The following NAALADL2 variants were observed in gnomAD, a reference collection of about 807,000 sequenced individuals.
NAALADL2 encodes N-acetylated alpha-linked acidic dipeptidase like 2.
Under a neutral mutation model 87.2 loss-of-function variants are expected in NAALADL2, and 76 were observed. The ratio of observed to expected loss-of-function variants is 0.87; its 90% confidence interval spans 0.72 to 1.05. The LOEUF is 1.05. Among genes scored for constraint, NAALADL2 ranks in the 50% least tolerant of loss-of-function variants. The probability of loss-of-function intolerance (pLI) is 0.00; values close to 1 mark genes in which losing one functional copy is unlikely to be tolerated. For missense variants in NAALADL2, 1,089 were observed against 945.8 expected, an observed-to-expected ratio of 1.15 and a Z score of -1.99; for synonymous variants, 354 against 331.0, an observed-to-expected ratio of 1.07 and a Z score of -0.75.
intron 3 of NAALADL2, among the ~76,000 whole-genome samples, chr3:174,821,410 A>C (rs1237145757): frequency 6.6e-6 from 1 of 152,158 alleles, no homozygotes; most frequent in Non-Finnish European, 1.5e-5. Flanking sequence ...TTGCTATTGT[A>C]TTTATTAGCA....
chr3:174,831,526 A>G (rs1273246175), intron 3 of NAALADL2, among the ~76,000 whole-genome samples: 2 of 146,184 alleles, frequency 1.4e-5, no homozygotes, highest in African/African-American at 2.5e-5. Flanking sequence ...TTTATTGAGG[A>G]TTTTTGCATC....
chr3:175,132,759 G>T (rs540683981), intron 2 of NAALADL2, among the ~76,000 whole-genome samples: 1 of 147,702 alleles, frequency 6.8e-6, no homozygotes. Context: ...CTCACCTCCC[G>T]GACAGGGCGG....
At chr3:175,303,373 C>A (rs1275624052) in intron 4 of NAALADL2, among the ~76,000 whole-genome samples, 1 of 151,962 alleles carries the variant, frequency 6.6e-6, no homozygotes, top group Non-Finnish European at 1.5e-5. Flanking sequence ...GTATAAAAAT[C>A]ATATGATTTT....
chr3:174,956,463 G>A (rs1741167667), intron 1 of NAALADL2, among the ~76,000 whole-genome samples: 1 of 151,978 alleles, frequency 6.6e-6, no homozygotes, highest in Non-Finnish European at 1.5e-5. Context: ...AATTTATTTA[G>A]CCCCTATGGG....
rs560423931 is a variant in NAALADL2, at chr3:174,623,055, G to A, written c.-115+72418G>A. Among the ~76,000 whole-genome samples, 420 of 152,212 alleles carry A rather than the reference G, an allele frequency of 2.8e-3. 5 individuals are homozygous for A. Among genetic ancestry groups the A allele is most frequent in the African/African-American group, 9.7e-3 (403 of 41,540 alleles). ...GAGACTCCGTCTCAAAAAAAAAGAG[G>A]ACTCATCTGTCTGAAATGGTGGGCA... On this transcript the variant is annotated intron_variant, in intron 2 of 3. Coordinates refer to the NAALADL2 transcript ENST00000434257.
At chr3:174,721,695 A>G (rs115204356) in intron 2 of NAALADL2, among the ~76,000 whole-genome samples, 267 of 152,272 alleles carry the variant, frequency 1.8e-3, no homozygotes, top group African/African-American at 6.1e-3. Context: ...ACACAAAACA[A>G]AAGAATCCTG....
intron 4 of NAALADL2, among the ~76,000 whole-genome samples, chr3:175,292,646 A>G (rs2110154079): frequency 6.7e-6 from 1 of 149,072 alleles, no homozygotes; most frequent in East Asian, 2.0e-4. Flanking sequence ...TAGGTTTACC[A>G]TATTCATTCT....
intron 4 of NAALADL2, among the ~76,000 whole-genome samples, chr3:175,265,875 A>T (rs943510261): frequency 6.6e-6 from 1 of 151,418 alleles, no homozygotes; most frequent in Non-Finnish European, 1.5e-5. Flanking sequence ...TTTAATAAGT[A>T]ACTGCTAATA....
At chr3:174,901,339 A>G (rs1448623911) in intron 1 of NAALADL2, among the ~76,000 whole-genome samples, 1 of 152,198 alleles carries the variant, frequency 6.6e-6, no homozygotes. Flanking sequence ...GCTTGTGAGA[A>G]GTACATGAGC....
intron 5 of NAALADL2, among the ~76,000 whole-genome samples, chr3:175,374,144 G>A (rs1348390800): frequency 1.3e-5 from 2 of 151,840 alleles, no homozygotes; most frequent in African/African-American, 2.4e-5. Context: ...TTAGAGTTTC[G>A]ATAAAAGATA....
chr3:174,853,712 G>A (rs1725529383), intron 3 of NAALADL2, among the ~76,000 whole-genome samples: 3 of 151,880 alleles, frequency 2.0e-5, no homozygotes, highest in Admixed American at 1.3e-4. Context: ...TTTTAAAATG[G>A]GCCAAAGATC....
chr3:175,360,081 C>T (rs1764810808), intron 5 of NAALADL2, among the ~76,000 whole-genome samples: 1 of 152,092 alleles, frequency 6.6e-6, no homozygotes, highest in Admixed American at 6.6e-5. Flanking sequence ...TGCACTTCAT[C>T]TCTACTCCCT....
intron 1 of NAALADL2, among the ~76,000 whole-genome samples, chr3:174,446,801 A>C (rs1264394897): frequency 6.6e-6 from 1 of 152,060 alleles, no homozygotes; most frequent in Admixed American, 6.6e-5. Flanking sequence ...GCAGTATAAC[A>C]CTTTTTTGAA....
At chr3:175,440,039 G>A (rs1719466756) in intron 5 of NAALADL2, among the ~76,000 whole-genome samples, 1 of 151,788 alleles carries the variant, frequency 6.6e-6, no homozygotes, top group South Asian at 2.1e-4. Flanking sequence ...ATTTAATTTG[G>A]TTCGTCTTGA....
intron 2 of NAALADL2, among the ~76,000 whole-genome samples, chr3:175,206,276 C>CTT (rs1740855038): frequency 9.1e-6 from 1 of 110,386 alleles, no homozygotes; most frequent in Admixed American, 9.6e-5. Flanking sequence ...TTTTTTTTCA[C>CTT]TGTGTGTGTG....
intron 13 of NAALADL2, among the ~76,000 whole-genome samples, chr3:175,755,626 A>C (rs543735978): frequency 4.3e-4 from 65 of 152,230 alleles, no homozygotes; most frequent in African/African-American, 1.4e-3. Flanking sequence ...AGCAGCACAG[A>C]AAAAATGAGT....
chr3:174,872,629 A>T (rs1242805926), intron 1 of NAALADL2, among the ~76,000 whole-genome samples: 5 of 152,166 alleles, frequency 3.3e-5, no homozygotes, highest in Non-Finnish European at 7.3e-5. Flanking sequence ...AAGCTAAGCT[A>T]AATTCAAGGA....
intron 1 of NAALADL2, among the ~76,000 whole-genome samples, chr3:174,527,286 T>C (rs930941093): frequency 5.9e-5 from 9 of 152,024 alleles, no homozygotes; most frequent in African/African-American, 1.9e-4. Flanking sequence ...TTTGGGAGGC[T>C]GAGGCAGGTG....
chr3:174,700,829 A>G (rs1729479932), intron 2 of NAALADL2, among the ~76,000 whole-genome samples: 1 of 152,216 alleles, frequency 6.6e-6, no homozygotes, highest in South Asian at 2.1e-4. Flanking sequence ...GGATTGTATT[A>G]TAAGTGATGG....
Sources: gnomAD v4.1 joint callset for allele counts (sites outside exome capture counted in the v4.1 genomes callset) on GRCh38, gnomAD v4.1.1 for gene constraint, MANE v1.5 for transcripts, NCBI Gene and HGNC (gene_info 2026-07-23, HGNC 2026-07-21) for gene names.